Variants in TSHZ3 observed in about 807,000 individuals in gnomAD.
TSHZ3 encodes the protein teashirt zinc finger homeobox 3.
In TSHZ3, 10 loss-of-function variants were observed where a neutral mutation model predicts 64.5. The ratio of observed to expected loss-of-function variants is 0.16; its 90% CI spans 0.10 to 0.26. The LOEUF (loss-of-function observed/expected upper bound fraction) is 0.26, where lower values mean the gene tolerates loss of function less well. Ranked by LOEUF, TSHZ3 falls within the 10% of genes least tolerant of loss-of-function variation. TSHZ3 has a pLI of 1.00. For synonymous variants in TSHZ3, 608 were observed against 593.1 expected, an observed-to-expected ratio of 1.03 and a Z score of -0.36; for missense variants, 1,242 against 1,421.7, an observed-to-expected ratio of 0.87 and a Z score of 2.03.
chr19:31,302,075 C>A (rs114470202), intron 1 of TSHZ3, among the ~76,000 whole-genome samples: 1 of 152,118 alleles, frequency 6.6e-6, no homozygotes, highest in African/African-American at 2.4e-5. Context: ...GGCAAAGGGG[C>A]CCTTACATAA....
intron 5 of TSHZ3, among the ~76,000 whole-genome samples, chr19:31,188,643 T>G (rs1386285090): frequency 6.6e-6 from 1 of 152,030 alleles, no homozygotes; most frequent in Non-Finnish European, 1.5e-5. Context: ...TAAAACAATC[T>G]GATGTTCCAT....
At chr19:31,178,002 G>A (rs1974639028) in intron 5 of TSHZ3, among the ~76,000 whole-genome samples, 1 of 152,160 alleles carries the variant, frequency 6.6e-6, no homozygotes, top group Non-Finnish European at 1.5e-5. Flanking sequence ...GTGGCTGCAA[G>A]TGTAGACAAT....
chr19:31,209,779 T>C (rs568275551), intron 4 of TSHZ3, among the ~76,000 whole-genome samples: 1 of 152,176 alleles, frequency 6.6e-6, no homozygotes, highest in South Asian at 2.1e-4. Context: ...TGTCAGCAGT[T>C]GGGATGAGCA....
intron 4 of TSHZ3, among the ~76,000 whole-genome samples, chr19:31,215,505 A>G (rs8109968): frequency 0.61 from 93,133 of 152,074 alleles, 28,715 homozygotes; most frequent in Middle Eastern, 0.72. Context: ...AAAACTCTGA[A>G]GATAGCTGGT....
chr19:31,306,743 G>T (rs1205303318), intron 1 of TSHZ3, among the ~76,000 whole-genome samples: 1 of 152,114 alleles, frequency 6.6e-6, no homozygotes, highest in Non-Finnish European at 1.5e-5. Flanking sequence ...TTCTAAATAT[G>T]TTCTTTAGGG....
intron 1 of TSHZ3, among the ~76,000 whole-genome samples, chr19:31,249,301 C>T (rs1358388390): frequency 6.6e-6 from 1 of 152,198 alleles, no homozygotes; most frequent in African/African-American, 2.4e-5. Flanking sequence ...CAGGATAGCC[C>T]ACCCAACGCT....
rs75462466 is a variant in TSHZ3 at position 31,221,247 on chromosome 19, T to C, written n.686+6758A>G. On this transcript the variant is annotated intron_variant and non_coding_transcript_variant, in intron 4 of 6. Transcript: ENST00000651361. ...CTCAAGAAAAGGATGCTGAATTCTTTTGGTGGTGGATAGAAAGCCAATTTG... is the reference window on the plus strand; with the variant it reads ...CTCAAGAAAAGGATGCTGAATTCTTCTGGTGGTGGATAGAAAGCCAATTTG... Among the ~76,000 whole-genome samples the C allele has an allele frequency of 9.1e-3, 1,381 of 152,286 alleles. 20 individuals carry two copies. The highest frequency in any genetic ancestry group is 0.032 in the African/African-American group (1,318 of 41,558).
At chr19:31,213,020 T>G (rs902615287) in intron 4 of TSHZ3, among the ~76,000 whole-genome samples, 13 of 152,024 alleles carry the variant, frequency 8.6e-5, no homozygotes, top group Non-Finnish European at 2.9e-5. Flanking sequence ...TATGGTACAA[T>G]TTCAACCATA....
intron 5 of TSHZ3, among the ~76,000 whole-genome samples, chr19:31,187,079 T>C (rs1269243462): frequency 6.6e-6 from 1 of 152,148 alleles, no homozygotes; most frequent in African/African-American, 2.4e-5. Context: ...TTAACACATG[T>C]AGAGATTCAT....
intron 5 of TSHZ3, among the ~76,000 whole-genome samples, chr19:31,200,179 C>A (rs915217383): frequency 6.6e-6 from 1 of 151,926 alleles, no homozygotes. Flanking sequence ...CAAAACTAAA[C>A]ACACTCTTAC....
At chr19:31,235,699 CTTTT>C (rs34677399) in intron 3 of TSHZ3, among the ~76,000 whole-genome samples, 159 of 59,538 alleles carry the variant, frequency 2.7e-3, no homozygotes, top group African/African-American at 0.01. Flanking sequence ...TCCTCTTCTT[CTTTT>C]TTTTTTTTTT....
downstream of TSHZ3, among the ~76,000 whole-genome samples, chr19:31,271,695 T>C (rs1436886166): frequency 1.3e-5 from 2 of 152,164 alleles, no homozygotes; most frequent in Non-Finnish European, 2.9e-5. Flanking sequence ...CTGAAAGGCA[T>C]CCACCAGCAC....
At chr19:31,302,366 C>T (rs1345640930) in intron 1 of TSHZ3, among the ~76,000 whole-genome samples, 6 of 152,200 alleles carry the variant, frequency 3.9e-5, no homozygotes, top group African/African-American at 1.2e-4. Flanking sequence ...TCCACATCAT[C>T]TCCAACCTAC....
intron 5 of TSHZ3, among the ~76,000 whole-genome samples, chr19:31,189,065 C>G (rs1338637319): frequency 6.6e-6 from 1 of 151,784 alleles, no homozygotes; most frequent in Non-Finnish European, 1.5e-5. Flanking sequence ...TAAAGTTGTT[C>G]ATAGCATTCC....
At chr19:31,242,706 T>C (rs1409070784) in intron 2 of TSHZ3, among the ~76,000 whole-genome samples, 5 of 147,958 alleles carry the variant, frequency 3.4e-5, no homozygotes. Context: ...CTAGGAGAGA[T>C]AATCTGGAAC....
At chr19:31,253,135 T>C (rs1402681822) in intron 1 of TSHZ3, among the ~76,000 whole-genome samples, 1 of 152,176 alleles carries the variant, frequency 6.6e-6, no homozygotes, top group Admixed American at 6.5e-5. Context: ...GTTATTTGCG[T>C]ATTCAGGGTG....
At chr19:31,322,813 A>C (rs186544984) in intron 1 of TSHZ3, among the ~76,000 whole-genome samples, 1 of 152,370 alleles carries the variant, frequency 6.6e-6, no homozygotes, top group East Asian at 1.9e-4. Flanking sequence ...AATGAGTGAC[A>C]GAACGAATGA....
At chr19:31,159,742 G>C (rs1324154578) in intron 5 of TSHZ3, among the ~76,000 whole-genome samples, 1 of 151,778 alleles carries the variant, frequency 6.6e-6, no homozygotes, top group African/African-American at 2.4e-5. Context: ...ACCCAGGCTG[G>C]AGTGCAACAA....
chr19:31,334,342 T>G (rs979655319), intron 1 of TSHZ3, among the ~76,000 whole-genome samples: 9 of 152,182 alleles, frequency 5.9e-5, no homozygotes, highest in African/African-American at 2.2e-4. Flanking sequence ...ATGGGAACAT[T>G]TCACCACATG....
Sources: allele counts gnomAD v4.1 joint callset (sites outside exome capture counted in the v4.1 genomes callset), GRCh38; gene constraint gnomAD v4.1.1; transcripts MANE v1.5; gene names NCBI Gene and HGNC (gene_info 2026-07-23, HGNC 2026-07-21).